The following LHFPL3 variants were observed in gnomAD, a reference collection of about 807,000 sequenced individuals.
The protein encoded by LHFPL3 is LHFPL tetraspan subfamily member 3, also known as LHFPL tetraspan subfamily member 3 protein.
A neutral mutation model predicts 19.3 loss-of-function variants in LHFPL3; 5 were observed. That is an observed-to-expected ratio of 0.26 (90% CI 0.14 to 0.54). The LOEUF is 0.54. Ranked by LOEUF, LHFPL3 falls within the 20% of genes least tolerant of loss-of-function variation. The pLI, the probability that LHFPL3 is intolerant of heterozygous loss-of-function variation, is 0.94. For missense variants in LHFPL3, 249 were observed against 307.4 expected (o/e 0.81, Z 1.42); for synonymous variants, 133 against 126.2 (o/e 1.05, Z -0.36).
chr7:104,723,005 C>T (rs934145133), intron 1 of LHFPL3, among the ~76,000 whole-genome samples: 6 of 152,180 alleles, frequency 3.9e-5, no homozygotes, highest in African/African-American at 1.4e-4. Flanking sequence ...AGCAGGCCCA[C>T]GTAACCCAAG....
rs555435776 is a variant in LHFPL3 at position 104,636,828 on chromosome 7, T to C, written c.446-99847T>C. 1.2e-4 allele frequency among the ~76,000 whole-genome samples: 18 copies of C among 152,370 alleles called. No homozygotes were observed. In the South Asian group the frequency reaches 3.7e-3, roughly 32 times the overall value. On this transcript the variant is annotated intron_variant, in intron 1 of 2. Coordinates refer to ENST00000424859, the MANE Select transcript of LHFPL3 (RefSeq NM_199000.3). ...GATTCCATGTCTTTGCTATTGGGAA[T>C]AGTGCTGCAATGAACATACACATGT...
At chr7:104,410,824 C>T (rs923602524) in intron 1 of LHFPL3, among the ~76,000 whole-genome samples, 2 of 152,140 alleles carry the variant, frequency 1.3e-5, no homozygotes, top group Non-Finnish European at 2.9e-5. Context: ...TATTAGTAAA[C>T]ATGTAAATTA....
At position 104,504,892 on chromosome 7, in the gene LHFPL3, T is replaced by A. The variant is rs528111288; in HGVS notation, c.445+175668T>A. ...TTCATAGACTTGTGGTGGAAGCTTT[T>A]AGTTGGCTAATCATCAACAGTGGAA... On this transcript the variant is annotated intron_variant, in intron 1 of 2. Coordinates refer to ENST00000424859, the MANE Select transcript of LHFPL3 (RefSeq NM_199000.3). Among the ~76,000 whole-genome samples, 22 of 152,344 alleles carry A rather than the reference T, an allele frequency of 1.4e-4. No individual in the cohort carries two copies. In the South Asian group the frequency reaches 2.9e-3, roughly 20 times the overall value.
intron 1 of LHFPL3, among the ~76,000 whole-genome samples, chr7:104,617,052 G>A (rs1363958193): frequency 6.6e-6 from 1 of 152,122 alleles, no homozygotes; most frequent in Admixed American, 6.5e-5. Flanking sequence ...CACTGTTGGT[G>A]GAAGTGTAAA....
At chr7:104,435,202 G>T (rs1187396984) in intron 1 of LHFPL3, among the ~76,000 whole-genome samples, 1 of 151,996 alleles carries the variant, frequency 6.6e-6, no homozygotes, top group Non-Finnish European at 1.5e-5. Context: ...CAGTGCAGTG[G>T]TGCAATTATA....
intron 1 of LHFPL3, among the ~76,000 whole-genome samples, chr7:104,416,100 G>A (rs1791616649): frequency 6.6e-6 from 1 of 152,208 alleles, no homozygotes; most frequent in African/African-American, 2.4e-5. Context: ...CTGCAGTCAG[G>A]TGGGTTCTTA....
chr7:104,620,025 G>C (rs1791415873), intron 1 of LHFPL3, among the ~76,000 whole-genome samples: 1 of 152,200 alleles, frequency 6.6e-6, no homozygotes, highest in South Asian at 2.1e-4. Flanking sequence ...TCTGACAGGA[G>C]GCAGAGCTTA....
intron 2 of LHFPL3, among the ~76,000 whole-genome samples, chr7:104,787,028 T>A (rs143994860): frequency 6.6e-6 from 1 of 152,326 alleles, no homozygotes; most frequent in Non-Finnish European, 1.5e-5. Flanking sequence ...CTTACTTTTA[T>A]GTTTTGTTCT....
rs541306934 is a variant in LHFPL3, at chr7:104,618,272, C to T, written c.446-118403C>T. 3.3e-5 allele frequency among the ~76,000 whole-genome samples: 5 copies of T among 152,290 alleles called. No individual in the cohort carries two copies. In the East Asian group the frequency reaches 7.7e-4, roughly 23 times the overall value. On this transcript the variant is annotated intron_variant, in intron 1 of 2. Transcript: ENST00000424859. ...AATTAAGAAAATAATTTCATCAATGCTTTAATAAGCAGTTGCTTGATTAAC... is the reference window on the plus strand; with the variant it reads ...AATTAAGAAAATAATTTCATCAATGTTTTAATAAGCAGTTGCTTGATTAAC...
intron 1 of LHFPL3, among the ~76,000 whole-genome samples, chr7:104,448,139 T>C (rs1435159987): frequency 1.3e-5 from 2 of 152,202 alleles, no homozygotes; most frequent in African/African-American, 4.8e-5. Flanking sequence ...TGGATATAGC[T>C]TCTATTATCA....
intron 1 of LHFPL3, among the ~76,000 whole-genome samples, chr7:104,669,907 C>T (rs112657176): frequency 0.038 from 5,852 of 152,088 alleles, 402 homozygotes; most frequent in African/African-American, 0.13. Flanking sequence ...AGTGATATAA[C>T]GCCTGGAACC....
intron 1 of LHFPL3, among the ~76,000 whole-genome samples, chr7:104,381,092 A>G (rs1390535544): frequency 1.3e-5 from 2 of 152,224 alleles, no homozygotes; most frequent in African/African-American, 4.8e-5. Context: ...AGGAAAGATC[A>G]AGCTACTAGA....
At chr7:104,778,918 C>T (rs1273434378) in intron 2 of LHFPL3, among the ~76,000 whole-genome samples, 1 of 152,194 alleles carries the variant, frequency 6.6e-6, no homozygotes, top group Non-Finnish European at 1.5e-5. Flanking sequence ...GCGTACTTGC[C>T]ATAATGCCTG....
chr7:104,587,530 T>G (rs976566219), intron 1 of LHFPL3, among the ~76,000 whole-genome samples: 2 of 152,218 alleles, frequency 1.3e-5, no homozygotes, highest in Non-Finnish European at 2.9e-5. Context: ...TGTTGGACAT[T>G]TGGGTTGGTT....
chr7:104,394,426 C>T (rs987311956), intron 1 of LHFPL3, among the ~76,000 whole-genome samples: 14 of 152,096 alleles, frequency 9.2e-5, no homozygotes, highest in Middle Eastern at 3.4e-3. Flanking sequence ...TTCTAGGTTT[C>T]CTGATTCTTT....
At chr7:104,472,381 CTT>C (rs1469261906) in intron 1 of LHFPL3, among the ~76,000 whole-genome samples, 1 of 152,106 alleles carries the variant, frequency 6.6e-6, no homozygotes, top group Non-Finnish European at 1.5e-5. Flanking sequence ...TCAAAGGCTA[CTT>C]CATTCTATTT....
chr7:104,540,352 C>G (rs1794462250), intron 1 of LHFPL3, among the ~76,000 whole-genome samples: 5 of 152,070 alleles, frequency 3.3e-5, no homozygotes, highest in Admixed American at 3.3e-4. Context: ...TTTTGCCCCC[C>G]AGGTTACAGG....
At chr7:104,448,455 C>T (rs559944782) in intron 1 of LHFPL3, among the ~76,000 whole-genome samples, 1 of 152,262 alleles carries the variant, frequency 6.6e-6, no homozygotes, top group East Asian at 1.9e-4. Flanking sequence ...AAAATGGCTC[C>T]TTCAGAGCCA....
chr7:104,748,181 C>T (rs146868908), intron 2 of LHFPL3, among the ~76,000 whole-genome samples: 8 of 151,416 alleles, frequency 5.3e-5, no homozygotes, highest in African/African-American at 1.9e-4. Flanking sequence ...CATCACCACT[C>T]CCTAATCTCA....
Sources: allele counts gnomAD v4.1 joint callset (sites outside exome capture counted in the v4.1 genomes callset), GRCh38; gene constraint gnomAD v4.1.1; transcripts MANE v1.5; gene names NCBI Gene and HGNC (gene_info 2026-07-23, HGNC 2026-07-21).